The following AKAP8L variants were observed in gnomAD, a reference collection of about 807,000 sequenced individuals.
AKAP8L encodes the protein A-kinase anchor protein 8-like.
A neutral mutation model predicts 77.5 loss-of-function variants in AKAP8L; 34 were observed. The ratio of observed to expected loss-of-function variants is 0.44; its 90% confidence interval spans 0.33 to 0.58. The LOEUF is 0.58. Ranked by LOEUF, AKAP8L falls within the 20% of genes least tolerant of loss-of-function variation. The pLI is 0.02. For missense variants in AKAP8L, 806 were observed against 887.6 expected (o/e 0.91, Z 1.17); for synonymous variants, 342 against 340.7 (o/e 1.00, Z -0.04).
intron 1 of AKAP8L, among the ~76,000 whole-genome samples, chr19:15,415,447 C>T (rs1968185794): frequency 6.6e-6 from 1 of 152,014 alleles, no homozygotes; most frequent in Admixed American, 6.6e-5. Context: ...CAAAACAAAA[C>T]AAATGCTTCT....
intron 2 of AKAP8L, among the ~76,000 whole-genome samples, chr19:15,407,727 CACT>C (rs761396714): frequency 2.6e-5 from 4 of 152,108 alleles, no homozygotes; most frequent in Non-Finnish European, 5.9e-5. Context: ...AACTACAAAA[CACT>C]ACATCAGTGA....
chr19:15,409,245 A>G (rs1448079579), intron 2 of AKAP8L, among the ~76,000 whole-genome samples: 1 of 152,244 alleles, frequency 6.6e-6, no homozygotes, highest in Non-Finnish European at 1.5e-5. Context: ...TGTAAATGGC[A>G]TATCCGAGAA....
intron 12 of AKAP8L, chr19:15,383,725 C>A (rs1967466092): frequency 6.6e-6 from 1 of 152,074 alleles, no homozygotes; most frequent in African/African-American, 2.4e-5. Context: ...TGAAATCAAT[C>A]TCTCAGCTAT....
intron 12 of AKAP8L, among the ~76,000 whole-genome samples, chr19:15,385,039 G>A (rs1050651247): frequency 2.2e-4 from 34 of 151,222 alleles, no homozygotes; most frequent in African/African-American, 7.1e-4. Context: ...GTGCAGTGGC[G>A]GGATCTCGGC....
chr19:15,410,162 C>T (rs992794627), intron 2 of AKAP8L, among the ~76,000 whole-genome samples: 5 of 152,024 alleles, frequency 3.3e-5, no homozygotes, highest in Admixed American at 6.6e-5. Flanking sequence ...AGGATGGTCT[C>T]GATCTCCTGA....
rs777443185 is a variant in AKAP8L, at chr19:15,380,298, G to A, written c.1765C>T (p.Pro589Ser). The change falls in exon 14 of 14, where the codon CCT (proline) becomes TCT (serine). Residue 589 changes from proline (P) to serine (S), a missense_variant. Pro to Ser is a moderately conservative substitution (Grantham distance 74). Coordinates refer to ENST00000397410, the MANE Select transcript of AKAP8L (RefSeq NM_014371.4). ...GGGGCTGGCTCTGGGGGCACGGGAG[G>A]CTGCGCCGGCACGCCCTCTGCGCCC... ...SEGAEGVPAQPPVPPEPAPGA... is the reference protein window; with the variant it reads ...SEGAEGVPAQSPVPPEPAPGA... The A allele has an allele frequency of 6.5e-7, 1 of 1,529,252 alleles. No individual in the cohort carries two copies. Among genetic ancestry groups the A allele is most frequent in the South Asian group, 1.2e-5 (1 of 83,466 alleles). 94.7% of individuals were successfully genotyped at this position (1,529,252 alleles called of 1,614,324 possible). A position where few individuals can be genotyped will look rare whatever the true frequency, so the allele number is the denominator to read the frequency against.
At position 15,380,098 on chromosome 19, in the gene AKAP8L, G is replaced by GGCTCCGCCCGCCCCGA; in HGVS notation, c.*8_*23dup. On this transcript the variant is annotated 3_prime_UTR_variant, in exon 14 of 14. Coordinates refer to ENST00000397410, the MANE Select transcript of AKAP8L (RefSeq NM_014371.4). ...TTTGGTTTCCAGCTTCGGCCACGCG[G>GGCTCCGCCCGCCCCGA]GCTCCGCCCGCCCCGAGCTCGGGTC... 2 of 1,462,878 alleles carry GGCTCCGCCCGCCCCGA rather than the reference G, an allele frequency of 1.4e-6. No homozygotes were observed. Among genetic ancestry groups the GGCTCCGCCCGCCCCGA allele is most frequent in the East Asian group, 2.9e-5 (1 of 34,758 alleles). 90.6% of individuals were successfully genotyped at this position (1,462,878 alleles called of 1,614,324 possible).
In AKAP8L at chr19:15,403,458, G is replaced by A. The variant is rs1285286019; in HGVS notation, c.362+17C>T. The A allele has an allele frequency of 6.2e-7, 1 of 1,612,756 alleles. No homozygotes were observed. The highest frequency in any genetic ancestry group is 8.5e-7 in the Non-Finnish European group (1 of 1,178,952). ...CGCCCCTGCAGAGTCTCAACCCCTAGGCAGGTGTCCACTCACCTTTCTCCA... is the reference window on the plus strand; with the variant it reads ...CGCCCCTGCAGAGTCTCAACCCCTAAGCAGGTGTCCACTCACCTTTCTCCA... On this transcript the variant is annotated intron_variant, in intron 4 of 13. Coordinates refer to ENST00000397410, the MANE Select transcript of AKAP8L (RefSeq NM_014371.4). This position sits in a 1 kb window ranked among gnomAD's most constrained non-coding sequence, Gnocchi z 4.3.
In AKAP8L at chr19:15,397,653, G is replaced by C; in HGVS notation, c.1300-28C>G. 1 of 1,613,898 alleles carries C rather than the reference G, an allele frequency of 6.2e-7. No homozygotes were observed. The highest frequency in any genetic ancestry group is 8.5e-7 in the Non-Finnish European group (1 of 1,179,804). On this transcript the variant is annotated intron_variant, in intron 10 of 13. Transcript: ENST00000397410. The surrounding 1 kb of genome is among the most constrained non-coding windows in gnomAD (Gnocchi z 4.7). ...GCAAGGAATATAAAGGTTCATGTGG[G>C]CCGCCTTATGTTCTCAGGGGTCCAA...
chr19:15,410,640 GGAAA>G, intron 1 of AKAP8L, 46 bp from the exon 2 acceptor site: 2 of 1,476,948 alleles, frequency 1.4e-6, no homozygotes, highest in Non-Finnish European at 1.9e-6. Context: ...CAAGTCACAG[GGAAA>G]TGACCTGAGA....
At chr19:15,400,733 C>T in intron 7 of AKAP8L, 61 bp downstream of exon 7, 1 of 1,589,246 alleles carries the variant, frequency 6.3e-7, no homozygotes, top group Non-Finnish European at 8.6e-7. Flanking sequence ...AGGGAGAGCA[C>T]CACTCTTTAG....
rs1324163990 is a variant in AKAP8L, at chr19:15,418,843, T to G, written c.13+68A>C. 5 of 1,507,792 alleles carry G rather than the reference T, an allele frequency of 3.3e-6. No homozygotes were observed. The East Asian group carries it at 1.2e-4, about 35-fold the overall frequency. The allele number at this position is 1,507,792 out of a possible 1,614,324, so 93.4% of individuals were successfully genotyped here. On this transcript the variant is annotated intron_variant, in intron 1 of 13. Coordinates refer to ENST00000397410, the MANE Select transcript of AKAP8L (RefSeq NM_014371.4). ...GCCCCAGGGGAGGTGCGGGCAAGCC[T>G]GGTGCGGCATCCGCACGTCCCTGTC...
At position 15,399,280 on chromosome 19, in the gene AKAP8L, G is replaced by A. The variant is rs778754135; in HGVS notation, c.1157+22C>T. 5.0e-6 allele frequency: 8 copies of A among 1,596,822 alleles called. No individual in the cohort carries two copies. The South Asian group carries it at 7.7e-5, about 15-fold the overall frequency. On this transcript the variant is annotated intron_variant, in intron 9 of 13. Coordinates refer to ENST00000397410, the MANE Select transcript of AKAP8L (RefSeq NM_014371.4). The surrounding 1 kb of genome is among the most constrained non-coding windows in gnomAD (Gnocchi z 6.1). Reference sequence around the variant, plus strand: ...AGCCCCACAGCGAGGCAGAGGCAGAGGGGTGGAGGGAAGCTGGTTACCTTT... The same window carrying A: ...AGCCCCACAGCGAGGCAGAGGCAGAAGGGTGGAGGGAAGCTGGTTACCTTT...
intron 12 of AKAP8L, among the ~76,000 whole-genome samples, chr19:15,396,381 T>C (rs1276288325): frequency 6.6e-6 from 1 of 152,044 alleles, no homozygotes; most frequent in Non-Finnish European, 1.5e-5. Flanking sequence ...TGTCATCCAT[T>C]CAATCAAAAA....
chr19:15,390,915 A>G (rs1257050477), intron 12 of AKAP8L, among the ~76,000 whole-genome samples: 2 of 152,174 alleles, frequency 1.3e-5, no homozygotes, highest in Non-Finnish European at 2.9e-5. Context: ...AACGTCTTCA[A>G]CTCAATCAAG....
At chr19:15,392,432 G>C (rs1967682188) in intron 12 of AKAP8L, among the ~76,000 whole-genome samples, 1 of 151,616 alleles carries the variant, frequency 6.6e-6, no homozygotes, top group Non-Finnish European at 1.5e-5. Flanking sequence ...GGAGGTTGGA[G>C]GCTGTAGTGA....
intron 1 of AKAP8L, among the ~76,000 whole-genome samples, chr19:15,414,618 A>C (rs1184981880): frequency 2.0e-5 from 3 of 151,464 alleles, no homozygotes; most frequent in Non-Finnish European, 4.4e-5. Flanking sequence ...CCTCCTGAGT[A>C]GCTGGGACTA....
intron 12 of AKAP8L, among the ~76,000 whole-genome samples, chr19:15,393,383 T>C (rs574314754): frequency 5.4e-4 from 82 of 151,800 alleles, no homozygotes; most frequent in Non-Finnish European, 1.1e-3. Context: ...ATCAAGAAGG[T>C]GAAAAAACCC....
chr19:15,400,205 G>A, intron 8 of AKAP8L, 90 bp downstream of exon 8: 1 of 1,394,436 alleles, frequency 7.2e-7, no homozygotes, highest in African/African-American at 1.4e-5. Flanking sequence ...CTGGCCGCAT[G>A]TCTGCCGCAA....
Sources: gnomAD v4.1 joint callset for allele counts (sites outside exome capture counted in the v4.1 genomes callset) on GRCh38, gnomAD v4.1.1 for gene constraint, Gnocchi (gnomAD v3.1) non-coding constraint, MANE v1.5 for transcripts, NCBI Gene and HGNC (gene_info 2026-07-23, HGNC 2026-07-21) for gene names.